The following ADD3 variants were observed in gnomAD, a reference collection of about 807,000 sequenced individuals.
ADD3 encodes the protein gamma-adducin.
ADD3 carries 25 observed loss-of-function variants against 80.2 expected under a neutral mutation model. That is an observed-to-expected ratio of 0.31 (90% CI 0.23 to 0.44). The LOEUF is 0.44. Ranked by LOEUF, ADD3 falls within the 20% of genes least tolerant of loss-of-function variation. The probability of loss-of-function intolerance (pLI) is 1.00; values close to 1 mark genes in which losing one functional copy is unlikely to be tolerated. For synonymous variants in ADD3, 284 were observed against 289.6 expected, an observed-to-expected ratio of 0.98 and a Z score of 0.20; for missense variants, 829 against 847.5, an observed-to-expected ratio of 0.98 and a Z score of 0.27.
chr10:110,024,792 T>G (rs1854085609), intron 1 of ADD3, among the ~76,000 whole-genome samples: 1 of 152,222 alleles, frequency 6.6e-6, no homozygotes, highest in Non-Finnish European at 1.5e-5. Flanking sequence ...AATCAAATTT[T>G]TATAAAATCC....
chr10:110,118,809 G>T, intron 6 of ADD3, 73 bp downstream of exon 6: 1 of 1,428,312 alleles, frequency 7.0e-7, no homozygotes, highest in Admixed American at 1.9e-5. Flanking sequence ...TCAACAGGAT[G>T]CTTTACTATC....
At chr10:110,038,967 T>C (rs1855980361) in intron 1 of ADD3, among the ~76,000 whole-genome samples, 1 of 152,222 alleles carries the variant, frequency 6.6e-6, no homozygotes. Context: ...TACATGTATA[T>C]GTGAATAGAT....
At chr10:110,123,829 G>T in intron 9 of ADD3, 188 bp from the exon 10 acceptor site, 5 of 594,920 alleles carry the variant, frequency 8.4e-6, no homozygotes, top group Non-Finnish European at 1.2e-5. Context: ...GCTCTAACTA[G>T]GTCTTGAAAT....
At chr10:110,064,780 G>T (rs1418713696) in intron 1 of ADD3, among the ~76,000 whole-genome samples, 1 of 152,004 alleles carries the variant, frequency 6.6e-6, no homozygotes, top group African/African-American at 2.4e-5. Context: ...ATTAACCAGG[G>T]TATTAGTTCA....
At chr10:110,067,726 G>T (rs1354017193) in intron 1 of ADD3, among the ~76,000 whole-genome samples, 1 of 152,154 alleles carries the variant, frequency 6.6e-6, no homozygotes, top group African/African-American at 2.4e-5. Flanking sequence ...AAGATAAAAA[G>T]CTTCATCATG....
chr10:110,104,666 A>T (rs1023682002), intron 2 of ADD3, among the ~76,000 whole-genome samples: 1 of 152,232 alleles, frequency 6.6e-6, no homozygotes, highest in Non-Finnish European at 1.5e-5. Flanking sequence ...TTTGGGTAGA[A>T]GGGAAATCAG....
chr10:110,020,369 G>A (rs1007250462), intron 1 of ADD3, among the ~76,000 whole-genome samples: 2 of 152,170 alleles, frequency 1.3e-5, no homozygotes, highest in African/African-American at 4.8e-5. Flanking sequence ...GCAGGGAAGG[G>A]AAACTAAGGG....
At chr10:110,049,750 T>A (rs1461611352) in intron 1 of ADD3, among the ~76,000 whole-genome samples, 2 of 151,830 alleles carry the variant, frequency 1.3e-5, no homozygotes, top group Non-Finnish European at 2.9e-5. Context: ...AGCTGGGCGT[T>A]GTGGCAGGCG....
chr10:110,022,661 T>C (rs1014367769), intron 1 of ADD3, among the ~76,000 whole-genome samples: 1 of 151,900 alleles, frequency 6.6e-6, no homozygotes, highest in African/African-American at 2.4e-5. Flanking sequence ...ACCTTAGTGG[T>C]GAAGATAGAC....
intron 1 of ADD3, among the ~76,000 whole-genome samples, chr10:110,100,201 T>A (rs1848647909): frequency 6.6e-6 from 1 of 151,914 alleles, no homozygotes; most frequent in African/African-American, 2.4e-5. Flanking sequence ...AATACAAAAA[T>A]TAGCTGGGCA....
At chr10:110,109,424 T>C (rs1781657716) in intron 2 of ADD3, among the ~76,000 whole-genome samples, 1 of 152,214 alleles carries the variant, frequency 6.6e-6, no homozygotes, top group African/African-American at 2.4e-5. Context: ...AGCTTTATTT[T>C]TCTTACCTAT....
chr10:110,117,576 A>C (rs1850896833), intron 5 of ADD3, among the ~76,000 whole-genome samples, 154 bp downstream of exon 5: 1 of 152,184 alleles, frequency 6.6e-6, no homozygotes, highest in South Asian at 2.1e-4. Context: ...TGTTTTAGGG[A>C]AAAGCTTTAG....
Position 110,086,463 on chromosome 10 carries a change from G to A in ADD3, c.-29-14162G>A, listed in dbSNP as rs1389634068. 2.0e-5 allele frequency among the ~76,000 whole-genome samples: 3 copies of A among 152,082 alleles called. No individual in the cohort carries two copies. In the South Asian group the frequency reaches 6.2e-4, roughly 31 times the overall value. ...ATATGGTTTGGATTTGTGTCCCCACGCAAATCTCATATTAAATTGTGATTC... is the reference window on the plus strand; with the variant it reads ...ATATGGTTTGGATTTGTGTCCCCACACAAATCTCATATTAAATTGTGATTC... On this transcript the variant is annotated intron_variant, in intron 1 of 14. Coordinates refer to ENST00000356080, the MANE Select transcript of ADD3 (RefSeq NM_016824.5).
intron 1 of ADD3, among the ~76,000 whole-genome samples, chr10:110,014,960 G>A (rs993699988): frequency 1.1e-4 from 16 of 151,472 alleles, no homozygotes; most frequent in South Asian, 4.2e-4. Context: ...TGCAACCTCC[G>A]ACTCCCTGGT....
intron 1 of ADD3, among the ~76,000 whole-genome samples, chr10:110,086,563 C>T (rs1846784010): frequency 6.6e-6 from 1 of 152,118 alleles, no homozygotes; most frequent in African/African-American, 2.4e-5. Flanking sequence ...GTACCATCCC[C>T]CTAGTGCTAT....
chr10:110,054,439 C>CTTTT, intron 1 of ADD3, among the ~76,000 whole-genome samples: 1 of 80,882 alleles, frequency 1.2e-5, no homozygotes, highest in Non-Finnish European at 2.7e-5. Flanking sequence ...CCAGTTTTCT[C>CTTTT]TTTTTTTTTT....
upstream of ADD3, among the ~76,000 whole-genome samples, chr10:110,002,340 C>T (rs1005646722): frequency 5.9e-5 from 9 of 152,030 alleles, no homozygotes; most frequent in Non-Finnish European, 1.0e-4. Context: ...GTGGCACAAT[C>T]TTGGCTCACT....
intron 9 of ADD3, 109 bp from the exon 10 acceptor site, chr10:110,123,908 T>G: frequency 2.5e-6 from 3 of 1,190,536 alleles, no homozygotes; most frequent in Non-Finnish European, 3.5e-6. Flanking sequence ...TTTTCTTTGT[T>G]TTTTAGCAAA....
chr10:110,086,431 A>G (rs994123403), intron 1 of ADD3, among the ~76,000 whole-genome samples: 2 of 152,126 alleles, frequency 1.3e-5, no homozygotes, highest in Admixed American at 6.5e-5. Context: ...AACAAAAAAC[A>G]GGCTTGATAT....
Sources: gnomAD v4.1 joint callset for allele counts (sites outside exome capture counted in the v4.1 genomes callset) on GRCh38, gnomAD v4.1.1 for gene constraint, MANE v1.5 for transcripts, NCBI Gene and HGNC (gene_info 2026-07-23, HGNC 2026-07-21) for gene names.